GLDC: variants seen among roughly 807,000 people sequenced by gnomAD.
GLDC encodes glycine dehydrogenase (decarboxylating), mitochondrial.
A neutral mutation model predicts 121.3 loss-of-function variants in GLDC; 104 were observed. The observed-to-expected ratio is 0.86, with a 90% CI of 0.73 to 1.01. The LOEUF is 1.01. Ranked by LOEUF, GLDC falls within the 50% of genes least tolerant of loss-of-function variation. The pLI, the probability that GLDC is intolerant of heterozygous loss-of-function variation, is 0.00. For synonymous variants in GLDC, 546 were observed against 480.6 expected (o/e 1.14, Z -1.78); for missense variants, 1,429 against 1,306.6 (o/e 1.09, Z -1.44).
intron 21 of GLDC, among the ~76,000 whole-genome samples, chr9:6,547,228 T>C (rs561142856): frequency 1.5e-4 from 23 of 152,234 alleles, no homozygotes; most frequent in Non-Finnish European, 2.6e-4. Flanking sequence ...GATGCAGTTA[T>C]ATGTCTTTTT....
chr9:6,623,544 C>T (rs942650960), intron 2 of GLDC, among the ~76,000 whole-genome samples: 2 of 151,250 alleles, frequency 1.3e-5, no homozygotes, highest in African/African-American at 4.9e-5. Flanking sequence ...ATCTGCTGAC[C>T]TTCCCTCCAC....
At chr9:6,558,824 T>C (rs1817687896) in intron 16 of GLDC, 140 bp from the exon 17 acceptor site, 14 of 902,930 alleles carry the variant, frequency 1.6e-5, no homozygotes, top group Non-Finnish European at 2.5e-5. Context: ...TGCTTTAAAA[T>C]CTGCTACAAT....
At chr9:6,547,342 G>C (rs1451454028) in intron 21 of GLDC, among the ~76,000 whole-genome samples, 1 of 152,148 alleles carries the variant, frequency 6.6e-6, no homozygotes, top group African/African-American at 2.4e-5. Context: ...ACCCTGGATG[G>C]ACAAGGCTGG....
intron 15 of GLDC, among the ~76,000 whole-genome samples, chr9:6,584,640 C>T (rs1045946941): frequency 2.0e-5 from 3 of 152,164 alleles, no homozygotes; most frequent in African/African-American, 4.8e-5. Flanking sequence ...GAAGCATGGC[C>T]CTTGTACTTT....
chr9:6,608,050 G>A (rs1232960970), intron 4 of GLDC, among the ~76,000 whole-genome samples: 1 of 151,976 alleles, frequency 6.6e-6, no homozygotes, highest in Non-Finnish European at 1.5e-5. Context: ...TTGAACTGGG[G>A]AAGTCAAGGC....
At chr9:6,604,885 T>A in intron 6 of GLDC, 101 bp from the exon 7 acceptor site, 1 of 1,023,958 alleles carries the variant, frequency 9.8e-7, no homozygotes, top group Non-Finnish European at 1.5e-6. Flanking sequence ...GGGCAGAGTG[T>A]GTTCACATCC....
At chr9:6,619,350 C>T (rs1260828533) in intron 3 of GLDC, among the ~76,000 whole-genome samples, 3 of 151,636 alleles carry the variant, frequency 2.0e-5, no homozygotes, top group Non-Finnish European at 4.4e-5. Context: ...TCTCCAACAC[C>T]ATGTCTTTTT....
chr9:6,619,355 CT>C (rs1190316960), intron 3 of GLDC, among the ~76,000 whole-genome samples: 1 of 151,152 alleles, frequency 6.6e-6, no homozygotes, highest in Non-Finnish European at 1.5e-5. Context: ...AACACCATGT[CT>C]TTTTGTCAGT....
At chr9:6,585,402 T>C (rs936674610) in intron 15 of GLDC, among the ~76,000 whole-genome samples, 3 of 152,220 alleles carry the variant, frequency 2.0e-5, no homozygotes, top group African/African-American at 7.2e-5. Flanking sequence ...GGTTTGTCTC[T>C]TAAAACAAAA....
intron 3 of GLDC, among the ~76,000 whole-genome samples, chr9:6,611,286 G>A (rs1391610517): frequency 2.0e-5 from 3 of 152,194 alleles, no homozygotes; most frequent in East Asian, 3.8e-4. Context: ...CCTTACAGGC[G>A]AGAGCTACCA....
intron 19 of GLDC, among the ~76,000 whole-genome samples, chr9:6,554,402 A>G (rs993980067): frequency 1.3e-5 from 2 of 152,298 alleles, no homozygotes; most frequent in African/African-American, 4.8e-5. Context: ...TTCCCTATTC[A>G]TTATTCTGTT....
intron 3 of GLDC, among the ~76,000 whole-genome samples, chr9:6,619,089 G>C (rs1819025077): frequency 2.2e-5 from 3 of 133,814 alleles, no homozygotes. Flanking sequence ...GTTGCAGTGA[G>C]CCAAGATCAT....
chr9:6,546,787 C>A (rs12343657), intron 21 of GLDC, among the ~76,000 whole-genome samples: 54 of 151,782 alleles, frequency 3.6e-4, no homozygotes, highest in African/African-American at 1.3e-3. Context: ...CAGGATGAAA[C>A]CCTGTCTCTA....
intron 7 of GLDC, among the ~76,000 whole-genome samples, chr9:6,603,837 C>G (rs1050430397): frequency 3.3e-5 from 5 of 150,994 alleles, no homozygotes; most frequent in Admixed American, 1.3e-4. Flanking sequence ...TCAAGTGATT[C>G]TCCTGCCTCT....
intron 8 of GLDC, among the ~76,000 whole-genome samples, chr9:6,595,693 C>T (rs878911632): frequency 2.0e-5 from 3 of 152,126 alleles, no homozygotes; most frequent in Admixed American, 6.6e-5. Flanking sequence ...CAGCTGGGAG[C>T]GGGGTGGTGT....
Position 6,592,602 on chromosome 9 carries a change from A to G in GLDC, c.1401+249T>C, listed in dbSNP as rs138773465. Among the ~76,000 whole-genome samples the G allele has an allele frequency of 7.2e-5, 11 of 152,346 alleles. No homozygotes were observed. The East Asian group carries it at 2.1e-3, about 29-fold the overall frequency. The stretch of plus-strand genomic sequence containing the variant: ...TCAGTCATACTGTGAAGAGAGGAGT[A>G]TTATGAACAAAATATGTGCATTTCA... On this transcript the variant is annotated intron_variant, in intron 10 of 24. Transcript: ENST00000321612.
intron 21 of GLDC, among the ~76,000 whole-genome samples, chr9:6,543,924 G>A (rs1817328477): frequency 7.0e-6 from 1 of 142,908 alleles, no homozygotes; most frequent in Non-Finnish European, 1.5e-5. Flanking sequence ...CAAGGTAAAC[G>A]TTGGGTGGCT....
intron 20 of GLDC, among the ~76,000 whole-genome samples, chr9:6,551,249 T>C (rs1036071145): frequency 5.9e-5 from 9 of 152,242 alleles, no homozygotes; most frequent in African/African-American, 7.2e-5. Context: ...ATTTTTTTGT[T>C]TGTTTACTAT....
intron 24 of GLDC, among the ~76,000 whole-genome samples, chr9:6,534,439 G>A (rs1300129594): frequency 3.3e-5 from 5 of 152,232 alleles, no homozygotes; most frequent in African/African-American, 9.6e-5. Flanking sequence ...CTGTCCCACA[G>A]TGGAGGGAAA....
Sources: allele counts gnomAD v4.1 joint callset (sites outside exome capture counted in the v4.1 genomes callset), GRCh38; gene constraint gnomAD v4.1.1; transcripts MANE v1.5; gene names NCBI Gene and HGNC (gene_info 2026-07-23, HGNC 2026-07-21).